The following SHTN1 variants were observed in gnomAD, a reference collection of about 807,000 sequenced individuals.
SHTN1 encodes the protein shootin 1.
A neutral mutation model predicts 83.1 loss-of-function variants in SHTN1; 42 were observed. The ratio of observed to expected loss-of-function variants is 0.51; its 90% CI spans 0.39 to 0.65. The LOEUF is 0.65. Among genes scored for constraint, SHTN1 ranks in the 30% least tolerant of loss-of-function variants. The probability of loss-of-function intolerance (pLI) is 0.00; values close to 1 mark genes in which losing one functional copy is unlikely to be tolerated. For synonymous variants in SHTN1, 224 were observed against 247.7 expected, an observed-to-expected ratio of 0.90 and a Z score of 0.90; for missense variants, 622 against 737.8, an observed-to-expected ratio of 0.84 and a Z score of 1.82.
rs1439875120 is a variant in SHTN1, at chr10:116,881,558, T to C, written c.*4786A>G. ...CTTTTTTTTACTTTAATGAGGAAGCTGAAAAGGCTGCGGAGGCACTTGAGG... is the reference window on the plus strand; with the variant it reads ...CTTTTTTTTACTTTAATGAGGAAGCCGAAAAGGCTGCGGAGGCACTTGAGG... On this transcript the variant is annotated 3_prime_UTR_variant, in exon 17 of 17. Transcript: ENST00000355371. 1 of 1,548,600 alleles carries C rather than the reference T, an allele frequency of 6.5e-7. No homozygotes were observed. Among genetic ancestry groups the C allele is most frequent in the Admixed American group, 2.0e-5 (1 of 50,466 alleles).
At chr10:117,004,099 C>T (rs917330041) in intron 1 of SHTN1, among the ~76,000 whole-genome samples, 2 of 152,000 alleles carry the variant, frequency 1.3e-5, no homozygotes, top group African/African-American at 2.4e-5. Flanking sequence ...GTTGGTTAGG[C>T]TGGTCTCGAA....
rs1462733730 is a variant in SHTN1 at position 116,990,283 on chromosome 10, C to CTTTTTTTT, written c.59-10976_59-10975insAAAAAAAA. The stretch of plus-strand genomic sequence containing the variant: ...CTTGTCTTTTTTCTTTTTCTTTTTT[C>CTTTTTTTT]TTTCTTTTTTTTTTTTTTTTTGGTG... On this transcript the variant is annotated intron_variant, in intron 1 of 16. Coordinates refer to ENST00000355371, the MANE Select transcript of SHTN1 (RefSeq NM_001127211.3). Among the ~76,000 whole-genome samples the CTTTTTTTT allele has an allele frequency of 1.5e-3, 82 of 56,318 alleles. 1 individual carries two copies. The South Asian group carries it at 0.059, about 41-fold the overall frequency. The allele number at this position is 56,318 out of a possible 152,430, so 36.9% of individuals were successfully genotyped here.
At chr10:117,032,604 G>A (rs190082576) in intron 2 of SHTN1, among the ~76,000 whole-genome samples, 91 of 152,242 alleles carry the variant, frequency 6.0e-4, no homozygotes, top group Non-Finnish European at 1.1e-3. Flanking sequence ...AATAGCTGGA[G>A]AATTCAACAC....
At chr10:116,980,043 C>T (rs538976186) in intron 1 of SHTN1, among the ~76,000 whole-genome samples, 7 of 151,264 alleles carry the variant, frequency 4.6e-5, no homozygotes, top group African/African-American at 1.7e-4. Flanking sequence ...AAGTTGTGTA[C>T]TTAAAATCGT....
intron 1 of SHTN1, among the ~76,000 whole-genome samples, chr10:117,068,160 G>A (rs1377385103): frequency 6.6e-6 from 1 of 152,138 alleles, no homozygotes; most frequent in Non-Finnish European, 1.5e-5. Context: ...GGGAGGCCAA[G>A]GCAGGTGGAT....
At chr10:117,024,894 C>G (rs1248587345) in intron 2 of SHTN1, among the ~76,000 whole-genome samples, 1 of 152,132 alleles carries the variant, frequency 6.6e-6, no homozygotes, top group Non-Finnish European at 1.5e-5. Flanking sequence ...GATGGTTATT[C>G]ACTGTACAAT....
chr10:116,928,188 G>A (rs1234656114), intron 10 of SHTN1, among the ~76,000 whole-genome samples: 1 of 152,114 alleles, frequency 6.6e-6, no homozygotes, highest in Admixed American at 6.5e-5. Context: ...GTAGGCTGAA[G>A]AAATATTTGT....
chr10:117,011,029 C>T (rs557698098), intron 2 of SHTN1, among the ~76,000 whole-genome samples: 100 of 152,232 alleles, frequency 6.6e-4, no homozygotes, highest in Non-Finnish European at 1.3e-3. Flanking sequence ...AGAATATGTG[C>T]TTTCATCACT....
intron 2 of SHTN1, among the ~76,000 whole-genome samples, chr10:117,042,601 A>G (rs1216249840): frequency 1.3e-5 from 2 of 151,730 alleles, no homozygotes; most frequent in Non-Finnish European, 2.9e-5. Flanking sequence ...CATTATATTC[A>G]TGACCAGTAG....
intron 1 of SHTN1, among the ~76,000 whole-genome samples, chr10:117,079,283 G>A (rs370819925): frequency 0.014 from 1,942 of 137,152 alleles, 19 homozygotes; most frequent in Non-Finnish European, 0.022. Flanking sequence ...GAGAATATGC[G>A]GTGTTTGGTT....
At position 116,899,546 on chromosome 10, in the gene SHTN1, T is replaced by TGTGTGTGTGA. The variant is rs1311755308; in HGVS notation, c.1673+2218_1673+2219insTCACACACAC. On this transcript the variant is annotated intron_variant, in intron 16 of 16. Transcript: ENST00000355371. ...GTGTGTGTGTGTGTGTGTGTGTGTG[T>TGTGTGTGTGA]GAGAGAGTGCATGCATACATATGTT... Among the ~76,000 whole-genome samples, 823 of 123,822 alleles carry TGTGTGTGTGA rather than the reference T, an allele frequency of 6.6e-3. 8 individuals carry two copies. The highest frequency in any genetic ancestry group is 0.023 in the African/African-American group (779 of 34,384). The allele number at this position is 123,822 out of a possible 152,430, so 81.2% of individuals were successfully genotyped here. A position where few individuals can be genotyped will look rare whatever the true frequency, so the allele number is the denominator to read the frequency against.
intron 1 of SHTN1, among the ~76,000 whole-genome samples, chr10:117,065,860 G>GGAAA (rs1564947552): frequency 2.0e-5 from 2 of 97,900 alleles, no homozygotes; most frequent in Admixed American, 1.0e-4. Context: ...AAGGAAAGGA[G>GGAAA]GGAGGGAGGG....
rs116736038 is a variant in SHTN1 at position 116,945,542 on chromosome 10, T to C, written c.617-524A>G. On this transcript the variant is annotated intron_variant, in intron 7 of 16. Coordinates refer to ENST00000355371, the MANE Select transcript of SHTN1 (RefSeq NM_001127211.3). ...GCACATCAACAGCCATTTCACAGAA[T>C]AGAAAATATACAAAAGGCCAATAAA... Among the ~76,000 whole-genome samples, 420 of 152,228 alleles carry C rather than the reference T, an allele frequency of 2.8e-3. 3 individuals are homozygous for C. Among genetic ancestry groups the C allele is most frequent in the African/African-American group, 9.4e-3 (391 of 41,544 alleles).
At chr10:117,046,008 A>G (rs575634800) in intron 2 of SHTN1, among the ~76,000 whole-genome samples, 1 of 152,322 alleles carries the variant, frequency 6.6e-6, no homozygotes, top group African/African-American at 2.4e-5. Flanking sequence ...GCTCATCAAT[A>G]AACCAGATAC....
At chr10:117,071,380 T>C (rs1358716737) in intron 1 of SHTN1, among the ~76,000 whole-genome samples, 1 of 152,180 alleles carries the variant, frequency 6.6e-6, no homozygotes, top group African/African-American at 2.4e-5. Flanking sequence ...GTGAAGGAAA[T>C]GAAATCTGCA....
chr10:116,942,984 G>C (rs566201519), intron 8 of SHTN1, among the ~76,000 whole-genome samples: 46 of 152,256 alleles, frequency 3.0e-4, no homozygotes, highest in African/African-American at 1.1e-3. Flanking sequence ...TTTGTAAAAA[G>C]GAAAATATAC....
At chr10:117,090,087 CA>C (rs1469999543) in intron 1 of SHTN1, among the ~76,000 whole-genome samples, 1 of 152,088 alleles carries the variant, frequency 6.6e-6, no homozygotes. Flanking sequence ...AGCAGAGTCT[CA>C]AAGAGATATT....
At position 116,915,405 on chromosome 10, in the gene SHTN1, G is replaced by A. The variant is rs746012057; in HGVS notation, c.1275C>T (p.Pro425=). 6.9e-6 allele frequency: 11 copies of A among 1,605,762 alleles called. No individual in the cohort carries two copies. Among genetic ancestry groups the A allele is most frequent in the Admixed American group, 3.3e-5 (2 of 59,938 alleles). The change falls in exon 13 of 17, where the codon CCC becomes CCT. Residue 425 remains proline (P), a synonymous_variant. Coordinates refer to ENST00000355371, the MANE Select transcript of SHTN1 (RefSeq NM_001127211.3). The stretch of plus-strand genomic sequence containing the variant: ...TCTTCGGTCTGGCTGTCTGATTAAC[G>A]GGTCTAAGATGAACTCCCTTTTTAA... ...DRIKKGVHLR[P]VNQTARPKTK...
chr10:116,883,588 T>C lies in SHTN1; in HGVS notation c.*2756A>G, dbSNP rs1302087113. ...AATAATCCAGACTTGAAGGCTGTGA[T>C]ACAGACTATCATTTACTGAACACAC... On this transcript the variant is annotated 3_prime_UTR_variant, in exon 17 of 17. Transcript: ENST00000355371. The C allele has an allele frequency of 6.6e-6, 1 of 152,358 alleles. No homozygotes were observed. Among genetic ancestry groups the C allele is most frequent in the African/African-American group, 2.4e-5 (1 of 41,470 alleles). 9.4% of individuals were successfully genotyped at this position (152,358 alleles called of 1,614,324 possible). A position where few individuals can be genotyped will look rare whatever the true frequency, so the allele number is the denominator to read the frequency against.
Sources: gnomAD v4.1 joint callset for allele counts (sites outside exome capture counted in the v4.1 genomes callset) on GRCh38, gnomAD v4.1.1 for gene constraint, MANE v1.5 for transcripts, NCBI Gene and HGNC (gene_info 2026-07-23, HGNC 2026-07-21) for gene names.